NRXN2: variants seen among roughly 807,000 people sequenced by gnomAD.
The protein encoded by NRXN2 is neurexin 2, also known as neurexin-2-beta.
NRXN2 carries 29 observed loss-of-function variants against 128.8 expected under a neutral mutation model. The observed-to-expected ratio is 0.23, with a 90% CI of 0.17 to 0.31. The LOEUF is 0.31. NRXN2 is among the 10% of genes least tolerant of loss of function. The pLI is 1.00. For synonymous variants in NRXN2, 1,098 were observed against 1,075.2 expected (o/e 1.02, Z -0.41); for missense variants, 1,881 against 2,452.6 (o/e 0.77, Z 4.92).
intron 5 of NRXN2, among the ~76,000 whole-genome samples, chr11:64,687,148 G>A (rs921282632): frequency 6.6e-6 from 1 of 152,214 alleles, no homozygotes; most frequent in Non-Finnish European, 1.5e-5. Flanking sequence ...TTTATGAAGA[G>A]GCCGAGCTAA....
chr11:64,683,631 AAAAAAG>A (rs1252937456), intron 6 of NRXN2, among the ~76,000 whole-genome samples: 5 of 151,994 alleles, frequency 3.3e-5, no homozygotes, highest in African/African-American at 1.2e-4. Context: ...AAAAAAAAAA[AAAAAAG>A]AAAAGAAAAG....
At position 64,713,298 on chromosome 11, in the gene NRXN2, G is replaced by T; in HGVS notation, c.402C>A (p.Ala134=). 1.5e-6 allele frequency: 2 copies of T among 1,365,886 alleles called. No homozygotes were observed. Among genetic ancestry groups the T allele is most frequent in the South Asian group, 3.4e-5 (2 of 58,740 alleles). 84.6% of individuals were successfully genotyped at this position (1,365,886 alleles called of 1,614,324 possible). ...CGCGCCGCTTGGAGCGCACCTCGGCGGCGCGGGCCTCGCCGTCCACCGCCA... is the reference window on the plus strand; with the variant it reads ...CGCGCCGCTTGGAGCGCACCTCGGCTGCGCGGGCCTCGCCGTCCACCGCCA... The part of the protein sequence containing the change: ...TALAVDGEAR[A]AEVRSKRREM... Residue 134 remains alanine, a synonymous_variant, in exon 2 of 23, where the codon GCC becomes GCA. Transcript: ENST00000265459.
At chr11:64,706,571 C>T (rs938465271) in intron 2 of NRXN2, among the ~76,000 whole-genome samples, 11 of 152,110 alleles carry the variant, frequency 7.2e-5, no homozygotes, top group African/African-American at 2.7e-4. Flanking sequence ...ACCCAGTTAG[C>T]ATTCAATGTG....
intron 1 of NRXN2, among the ~76,000 whole-genome samples, chr11:64,720,742 C>T (rs1218547525): frequency 1.3e-5 from 2 of 152,200 alleles, no homozygotes; most frequent in African/African-American, 2.4e-5. Context: ...CCCAGACAGA[C>T]ATGCACATGG....
chr11:64,705,281 T>A (rs574471075), intron 2 of NRXN2, among the ~76,000 whole-genome samples: 2 of 152,352 alleles, frequency 1.3e-5, no homozygotes, highest in Non-Finnish European at 2.9e-5. Context: ...CAACAGGCTC[T>A]TGAGTCAGCT....
intron 9 of NRXN2, among the ~76,000 whole-genome samples, chr11:64,661,949 T>C (rs1339795688): frequency 6.6e-6 from 1 of 152,014 alleles, no homozygotes; most frequent in African/African-American, 2.4e-5. Flanking sequence ...GTAGAAGAGT[T>C]CTTCAGAAGT....
At chr11:64,721,380 G>C (rs920758299) in intron 1 of NRXN2, among the ~76,000 whole-genome samples, 8 of 151,928 alleles carry the variant, frequency 5.3e-5, no homozygotes, top group Non-Finnish European at 7.4e-5. Flanking sequence ...CCCGGCAGCC[G>C]TGGCTGGTTG....
intron 11 of NRXN2, among the ~76,000 whole-genome samples, chr11:64,658,455 C>A (rs556942914): frequency 6.6e-6 from 1 of 152,206 alleles, no homozygotes; most frequent in African/African-American, 2.4e-5. Flanking sequence ...GCACACCACC[C>A]GCTCTACAGG....
intron 2 of NRXN2, among the ~76,000 whole-genome samples, chr11:64,712,124 T>G (rs921724553): frequency 5.9e-5 from 9 of 151,946 alleles, no homozygotes; most frequent in African/African-American, 2.2e-4. Context: ...GCCCCCTGTC[T>G]CGTAGGCCCT....
chr11:64,607,607 C>A lies in NRXN2; in HGVS notation c.4728G>T (p.Glu1576Asp), dbSNP rs1279722711. 2.0e-6 allele frequency: 3 copies of A among 1,536,742 alleles called. No individual in the cohort carries two copies. Among genetic ancestry groups the A allele is most frequent in the Non-Finnish European group, 2.6e-6 (3 of 1,144,350 alleles). Residue 1576 changes from glutamate (E) to aspartate (D), a missense_variant, in exon 23 of 23, where the codon GAG (glutamate) becomes GAT (aspartate). Physicochemically the swap from Glu to Asp is conservative, Grantham distance 45. Coordinates refer to ENST00000265459, the MANE Select transcript of NRXN2 (RefSeq NM_015080.4). ...GGGCCCCGGGCCCCAAGGGCGGGTT[C>A]TCCAGCAAGGGCTGAAGCGGGTCTC... ...NHRDPLQPLL[E>D]NPPLGPGAPT...
intron 17 of NRXN2, among the ~76,000 whole-genome samples, chr11:64,640,987 G>C (rs2045572781): frequency 6.6e-6 from 1 of 152,080 alleles, no homozygotes; most frequent in South Asian, 2.1e-4. Context: ...AGGGGATGGA[G>C]AGACAGAAAC....
At chr11:64,661,214 C>A in intron 9 of NRXN2, 75 bp from the exon 10 acceptor site, 1 of 1,600,238 alleles carries the variant, frequency 6.2e-7, no homozygotes, top group South Asian at 1.1e-5. Flanking sequence ...CCAAGAAGGC[C>A]CCCCACCTTG....
chr11:64,637,460 C>A (rs1394496707), intron 17 of NRXN2: 1 of 152,334 alleles, frequency 6.6e-6, no homozygotes, highest in African/African-American at 2.4e-5. Flanking sequence ...CAGCCGGTAA[C>A]GGTCTCTCCA....
In NRXN2 at chr11:64,652,117, G is replaced by A; in HGVS notation, c.2454C>T (p.Leu818=). ...GPETLFAGHK[L]NDNEWHTVRV... ...TCACCGTGTGCCACTCATTGTCATT[G>A]AGCTTGTGCCCCGCAAACAGCGTTT... Residue 818 remains leucine (L), a synonymous_variant, in exon 13 of 23, where the codon CTC becomes CTT. Transcript: ENST00000265459. 6.2e-7 allele frequency: 1 copy of A among 1,613,358 alleles called. No individual in the cohort carries two copies. The highest frequency in any genetic ancestry group is 8.5e-7 in the Non-Finnish European group (1 of 1,179,974).
chr11:64,650,119 T>C lies in NRXN2; in HGVS notation c.3109+329A>G, dbSNP rs571214203. ...AAGCTCCCTATTCTCACTCCAGCCC[T>C]CAACCAACATAGGCTTCTCAACCTT... is the stretch of plus-strand genomic sequence containing the variant. On this transcript the variant is annotated intron_variant, in intron 15 of 22. Transcript: ENST00000265459. 4.6e-5 allele frequency among the ~76,000 whole-genome samples: 7 copies of C among 152,126 alleles called. No homozygotes were observed. The South Asian group carries it at 1.5e-3, about 32-fold the overall frequency.
chr11:64,718,685 G>C (rs897203565), intron 1 of NRXN2, among the ~76,000 whole-genome samples: 29 of 152,170 alleles, frequency 1.9e-4, no homozygotes, highest in Non-Finnish European at 3.2e-4. Flanking sequence ...ATATGGAAGA[G>C]GACAGCAGAC....
intron 4 of NRXN2, among the ~76,000 whole-genome samples, chr11:64,692,549 G>A (rs1398159252): frequency 7.2e-5 from 11 of 152,198 alleles, no homozygotes; most frequent in East Asian, 1.9e-4. Flanking sequence ...TGGAGACAAC[G>A]GCAGGAGTTC....
At chr11:64,680,710 G>A (rs146977145) in intron 6 of NRXN2, among the ~76,000 whole-genome samples, 35 of 152,290 alleles carry the variant, frequency 2.3e-4, no homozygotes, top group African/African-American at 7.9e-4. Flanking sequence ...GGGGAGAGAC[G>A]TTACAGTGCA....
chr11:64,694,071 C>A (rs542553214), intron 3 of NRXN2, among the ~76,000 whole-genome samples: 3 of 152,296 alleles, frequency 2.0e-5, no homozygotes, highest in African/African-American at 7.2e-5. Flanking sequence ...CCCTTGTCCC[C>A]AACAGGCACC....
Sources: gnomAD v4.1 joint callset for allele counts (sites outside exome capture counted in the v4.1 genomes callset) on GRCh38, gnomAD v4.1.1 for gene constraint, MANE v1.5 for transcripts, NCBI Gene and HGNC (gene_info 2026-07-23, HGNC 2026-07-21) for gene names.